Variants in ALMS1 observed in about 807,000 individuals in gnomAD.
The protein encoded by ALMS1 is centrosome-associated protein ALMS1.
In ALMS1, 271 loss-of-function variants were observed where a neutral mutation model predicts 352.2. That is an observed-to-expected ratio of 0.77 (90% CI 0.70 to 0.85). ALMS1 has a LOEUF of 0.85. Ranked by LOEUF, ALMS1 falls within the 40% of genes least tolerant of loss-of-function variation. The probability of loss-of-function intolerance (pLI) is 0.00; values close to 1 mark genes in which losing one functional copy is unlikely to be tolerated. For missense variants in ALMS1, 5,445 were observed against 4,870.7 expected, an observed-to-expected ratio of 1.12 and a Z score of -3.51; for synonymous variants, 1,865 against 1,761.2, an observed-to-expected ratio of 1.06 and a Z score of -1.48.
At chr2:73,413,232 A>G (rs566284993) in intron 2 of ALMS1, among the ~76,000 whole-genome samples, 1 of 152,018 alleles carries the variant, frequency 6.6e-6, no homozygotes, top group South Asian at 2.1e-4. Flanking sequence ...GTCCTTTATC[A>G]GTTGTTTCTT....
chr2:73,453,415 A>G lies in ALMS1; in HGVS notation c.6888A>G (p.Gln2296=), dbSNP rs1192584117. The change falls in exon 8 of 23, where the codon CAA becomes CAG. Residue 2296 remains glutamine, a synonymous_variant. Transcript: ENST00000613296. The part of the protein sequence containing the change: ...FRDISDISFI[Q]SKKVVCFKEP... Reference sequence around the variant, plus strand: ...ATATTAGTGATATTTCATTTATACAATCTAAGAAGGTGGTTTGCTTCAAAG... The same window carrying G: ...ATATTAGTGATATTTCATTTATACAGTCTAAGAAGGTGGTTTGCTTCAAAG... 1.9e-6 allele frequency: 3 copies of G among 1,613,534 alleles called. No individual in the cohort carries two copies. Among genetic ancestry groups the G allele is most frequent in the Non-Finnish European group, 2.5e-6 (3 of 1,179,810 alleles).
intron 11 of ALMS1, among the ~76,000 whole-genome samples, chr2:73,521,978 T>C (rs957657179): frequency 6.6e-6 from 1 of 152,216 alleles, no homozygotes. Context: ...AAAAATCGTA[T>C]GTTAACTACA....
chr2:73,520,674 T>C (rs930177812), intron 11 of ALMS1, among the ~76,000 whole-genome samples: 2 of 152,194 alleles, frequency 1.3e-5, no homozygotes, highest in Non-Finnish European at 2.9e-5. Context: ...AGGAATGTAG[T>C]TTAGCTGTGT....
chr2:73,533,127 G>A (rs756126186), intron 11 of ALMS1, among the ~76,000 whole-genome samples: 5 of 152,162 alleles, frequency 3.3e-5, no homozygotes, highest in East Asian at 1.9e-4. Context: ...TTAATCTTCC[G>A]TCTTCCGAAG....
chr2:73,548,873 C>T (rs1259179941), intron 12 of ALMS1, among the ~76,000 whole-genome samples: 1 of 152,050 alleles, frequency 6.6e-6, no homozygotes, highest in East Asian at 1.9e-4. Flanking sequence ...AGGAACTCCA[C>T]CATTGAGAGA....
At chr2:73,601,545 T>C in intron 19 of ALMS1, 109 bp downstream of exon 19, 1 of 1,504,684 alleles carries the variant, frequency 6.6e-7, no homozygotes, top group Non-Finnish European at 9.0e-7. Context: ...CCTGAGACGC[T>C]CTTTTCCAGC....
At chr2:73,438,575 G>T (rs935115318) in intron 7 of ALMS1, among the ~76,000 whole-genome samples, 1 of 152,122 alleles carries the variant, frequency 6.6e-6, no homozygotes, top group South Asian at 2.1e-4. Flanking sequence ...TGAACAAATG[G>T]GAAATAGGAA....
intron 6 of ALMS1, among the ~76,000 whole-genome samples, chr2:73,431,262 T>C (rs1671493774): frequency 6.6e-6 from 1 of 152,164 alleles, no homozygotes; most frequent in South Asian, 2.1e-4. Context: ...GGGCAGTAGA[T>C]GTAGATATAG....
At chr2:73,564,029 G>GTGT (rs1674725911) in intron 15 of ALMS1, among the ~76,000 whole-genome samples, 1 of 151,752 alleles carries the variant, frequency 6.6e-6, no homozygotes, top group Non-Finnish European at 1.5e-5. Flanking sequence ...AGGTTGATGT[G>GTGT]GGGTGTGTGT....
intron 14 of ALMS1, 47 bp from the exon 15 acceptor site, chr2:73,558,925 T>C (rs1674598266): frequency 6.3e-7 from 1 of 1,598,178 alleles, no homozygotes; most frequent in South Asian, 1.1e-5. Context: ...TAAAAATCTT[T>C]TATGTCAAGT....
rs183203505 is a variant in ALMS1, at chr2:73,502,532, T to C, written c.9539+11034T>C. ...TAGAGTAGTGTTTTGTCATTAAGTT[T>C]AATATTACCTGTAGATTTTTAATGG... On this transcript the variant is annotated intron_variant, in intron 10 of 22. Transcript: ENST00000613296. Among the ~76,000 whole-genome samples, 7 of 152,242 alleles carry C rather than the reference T, an allele frequency of 4.6e-5. No individual in the cohort carries two copies. In the East Asian group the frequency reaches 1.4e-3, roughly 29 times the overall value.
intron 1 of ALMS1, among the ~76,000 whole-genome samples, chr2:73,387,676 AAAT>A (rs1670566971): frequency 6.6e-6 from 1 of 152,182 alleles, no homozygotes; most frequent in South Asian, 2.1e-4. Flanking sequence ...GAGTTGAAGA[AAAT>A]ATTTGAAACG....
intron 15 of ALMS1, among the ~76,000 whole-genome samples, chr2:73,571,321 G>A (rs1331155524): frequency 2.6e-5 from 4 of 152,274 alleles, no homozygotes; most frequent in African/African-American, 9.6e-5. Context: ...TGTCATATCA[G>A]AGATTAGAAT....
chr2:73,569,854 T>G (rs1420876367), intron 15 of ALMS1, among the ~76,000 whole-genome samples: 1 of 152,226 alleles, frequency 6.6e-6, no homozygotes, highest in African/African-American at 2.4e-5. Flanking sequence ...TGTATACTTG[T>G]ACTTCTTGTT....
intron 2 of ALMS1, among the ~76,000 whole-genome samples, chr2:73,418,625 C>G (rs1671225760): frequency 6.6e-6 from 1 of 152,188 alleles, no homozygotes; most frequent in South Asian, 2.1e-4. Context: ...TCTTCAAGTA[C>G]AAATTCCTTC....
chr2:73,476,287 C>G (rs1000487272), intron 9 of ALMS1, among the ~76,000 whole-genome samples: 2 of 152,070 alleles, frequency 1.3e-5, no homozygotes, highest in African/African-American at 2.4e-5. Flanking sequence ...AAAAGTTTAT[C>G]CATTCATCTG....
chr2:73,394,996 A>G (rs1447677605), intron 1 of ALMS1, among the ~76,000 whole-genome samples: 1 of 145,188 alleles, frequency 6.9e-6, no homozygotes, highest in Non-Finnish European at 1.5e-5. Flanking sequence ...ATGTGTATAT[A>G]TATATGTGTA....
intron 2 of ALMS1, among the ~76,000 whole-genome samples, chr2:73,414,988 T>A (rs1671157902): frequency 6.6e-6 from 1 of 152,194 alleles, no homozygotes; most frequent in African/African-American, 2.4e-5. Flanking sequence ...TATACACATT[T>A]AGTTTTCAAC....
At chr2:73,559,688 T>A (rs1573020146) in intron 15 of ALMS1, among the ~76,000 whole-genome samples, 1 of 152,298 alleles carries the variant, frequency 6.6e-6, no homozygotes, top group East Asian at 1.9e-4. Flanking sequence ...CTACCCATAC[T>A]GGATTTTGGA....
Sources: gnomAD v4.1 joint callset for allele counts (sites outside exome capture counted in the v4.1 genomes callset) on GRCh38, gnomAD v4.1.1 for gene constraint, MANE v1.5 for transcripts, NCBI Gene and HGNC (gene_info 2026-07-23, HGNC 2026-07-21) for gene names.